The following RIT2 variants were observed in gnomAD, a reference collection of about 807,000 sequenced individuals.
RIT2 encodes GTP-binding protein Rit2.
A neutral mutation model predicts 23.7 loss-of-function variants in RIT2; 24 were observed. That is an observed-to-expected ratio of 1.01 (90% CI 0.73 to 1.43). The LOEUF (loss-of-function observed/expected upper bound fraction) is 1.43. Ranked by LOEUF, RIT2 falls within the 40% of genes most tolerant of loss-of-function variation. The pLI, the probability that RIT2 is intolerant of heterozygous loss-of-function variation, is 0.00. For missense variants in RIT2, 236 were observed against 266.9 expected, an observed-to-expected ratio of 0.88 and a Z score of 0.81; for synonymous variants, 107 against 91.1, an observed-to-expected ratio of 1.17 and a Z score of -0.99.
At chr18:42,864,015 A>G (rs551199300) in intron 4 of RIT2, among the ~76,000 whole-genome samples, 1 of 151,504 alleles carries the variant, frequency 6.6e-6, no homozygotes, top group Non-Finnish European at 1.5e-5. Flanking sequence ...CTATTCACAA[A>G]TTGAATGACA....
At chr18:42,813,063 C>A (rs919368546) in intron 4 of RIT2, among the ~76,000 whole-genome samples, 1 of 152,086 alleles carries the variant, frequency 6.6e-6, no homozygotes, top group Non-Finnish European at 1.5e-5. Context: ...ATGAAAGTGG[C>A]TTTATGGCAA....
chr18:43,017,019 C>T (rs2144261108), intron 2 of RIT2, among the ~76,000 whole-genome samples: 1 of 151,988 alleles, frequency 6.6e-6, no homozygotes, highest in East Asian at 1.9e-4. Flanking sequence ...ACACTGGGGT[C>T]AAAAATTATG....
intron 2 of RIT2, among the ~76,000 whole-genome samples, chr18:42,974,972 G>A (rs1254021575): frequency 6.6e-6 from 1 of 152,018 alleles, no homozygotes; most frequent in Non-Finnish European, 1.5e-5. Flanking sequence ...CCTGCCAAAG[G>A]AATCTGCAGA....
chr18:42,976,387 G>A (rs1231825431), intron 2 of RIT2, among the ~76,000 whole-genome samples: 4 of 152,068 alleles, frequency 2.6e-5, no homozygotes, highest in Non-Finnish European at 5.9e-5. Flanking sequence ...TTGATGAAAT[G>A]TAAGAGATAA....
chr18:42,981,413 C>T (rs368600444), intron 2 of RIT2, among the ~76,000 whole-genome samples: 1 of 152,132 alleles, frequency 6.6e-6, no homozygotes, highest in East Asian at 1.9e-4. Flanking sequence ...CTGATGGACC[C>T]TCGGAGAGGA....
At chr18:42,976,690 T>C (rs1910485091) in intron 2 of RIT2, among the ~76,000 whole-genome samples, 1 of 152,066 alleles carries the variant, frequency 6.6e-6, no homozygotes, top group African/African-American at 2.4e-5. Context: ...AAAGGATGAA[T>C]ATGTTCATTA....
intron 4 of RIT2, among the ~76,000 whole-genome samples, chr18:42,802,207 C>T (rs934384445): frequency 1.3e-5 from 2 of 152,076 alleles, no homozygotes; most frequent in Non-Finnish European, 2.9e-5. Flanking sequence ...AAGTCTTCTA[C>T]TTGGGTGCAA....
intron 4 of RIT2, among the ~76,000 whole-genome samples, 170 bp from the exon 5 acceptor site, chr18:42,743,890 C>A (rs1567985574): frequency 6.6e-6 from 1 of 152,092 alleles, no homozygotes; most frequent in Admixed American, 6.5e-5. Context: ...TGAAGAATCA[C>A]AAAAGAAGTG....
chr18:42,838,228 C>T lies in RIT2; in HGVS notation c.426+85344G>A, dbSNP rs187380792. On this transcript the variant is annotated intron_variant, in intron 4 of 4. Coordinates refer to ENST00000326695, the MANE Select transcript of RIT2 (RefSeq NM_002930.4). The stretch of plus-strand genomic sequence containing the variant: ...ATGTTTTTTTTTCTTTATATAACTG[C>T]ATAGGATTTATGTGAAGTTCTTCTC... Among the ~76,000 whole-genome samples, 272 of 152,086 alleles carry T rather than the reference C, an allele frequency of 1.8e-3. 7 individuals carry two copies. Among genetic ancestry groups the T allele is most frequent in the Admixed American group, 0.018 (268 of 15,272 alleles).
At chr18:42,777,067 G>A (rs1177743693) in intron 4 of RIT2, among the ~76,000 whole-genome samples, 1 of 151,978 alleles carries the variant, frequency 6.6e-6, no homozygotes, top group African/African-American at 2.4e-5. Flanking sequence ...TTGCATGTGG[G>A]TTTAAAAAAA....
chr18:43,047,088 T>C (rs375384665), intron 1 of RIT2, among the ~76,000 whole-genome samples: 167 of 152,276 alleles, frequency 1.1e-3, no homozygotes, highest in African/African-American at 3.8e-3. Context: ...GATGACACAA[T>C]TTGAAAACAT....
At chr18:42,757,602 A>G (rs181637445) in intron 4 of RIT2, among the ~76,000 whole-genome samples, 1 of 152,326 alleles carries the variant, frequency 6.6e-6, no homozygotes, top group East Asian at 1.9e-4. Flanking sequence ...GGCCTTACAC[A>G]CACGGAGACA....
intron 1 of RIT2, among the ~76,000 whole-genome samples, chr18:43,047,508 A>G (rs1383492483): frequency 6.6e-6 from 1 of 152,174 alleles, no homozygotes; most frequent in African/African-American, 2.4e-5. Context: ...ACCAAAAATA[A>G]ATTTACAAGT....
At chr18:42,932,498 A>G (rs1029242687) in intron 3 of RIT2, among the ~76,000 whole-genome samples, 2 of 152,074 alleles carry the variant, frequency 1.3e-5, no homozygotes, top group African/African-American at 4.8e-5. Context: ...CATGCTACCA[A>G]TCAACTTTAT....
intron 3 of RIT2, among the ~76,000 whole-genome samples, chr18:42,936,404 G>A (rs1264880326): frequency 6.6e-6 from 1 of 152,158 alleles, no homozygotes; most frequent in Non-Finnish European, 1.5e-5. Context: ...ACAATGTTAA[G>A]TTTCCTTTTA....
At chr18:42,924,031 A>C (rs1233067744) in intron 3 of RIT2, among the ~76,000 whole-genome samples, 1 of 152,050 alleles carries the variant, frequency 6.6e-6, no homozygotes. Flanking sequence ...TTTATACTCT[A>C]ATCATTAAAT....
intron 4 of RIT2, among the ~76,000 whole-genome samples, chr18:42,836,936 A>T (rs143563200): frequency 6.6e-6 from 1 of 152,082 alleles, no homozygotes; most frequent in Admixed American, 6.5e-5. Context: ...CGTTACCAAC[A>T]TCAGACAGAC....
At chr18:43,062,502 A>T (rs575624602) in intron 1 of RIT2, among the ~76,000 whole-genome samples, 1 of 152,264 alleles carries the variant, frequency 6.6e-6, no homozygotes, top group South Asian at 2.1e-4. Flanking sequence ...TATGAATCTT[A>T]ATGTTCCAGT....
chr18:43,068,018 A>T (rs542101285), intron 1 of RIT2, among the ~76,000 whole-genome samples: 1 of 152,308 alleles, frequency 6.6e-6, no homozygotes, highest in South Asian at 2.1e-4. Context: ...GGCCTGTGAG[A>T]TATTCAAGGC....
Sources: allele counts gnomAD v4.1 joint callset (sites outside exome capture counted in the v4.1 genomes callset), GRCh38; gene constraint gnomAD v4.1.1; transcripts MANE v1.5; gene names NCBI Gene and HGNC (gene_info 2026-07-23, HGNC 2026-07-21).